LAMP5: variants seen among roughly 807,000 people sequenced by gnomAD.
LAMP5 encodes lysosome associated membrane protein 5.
Under a neutral mutation model 30.2 loss-of-function variants are expected in LAMP5, and 36 were observed. The ratio of observed to expected loss-of-function variants is 1.19; its 90% CI spans 0.91 to 1.57. The LOEUF (loss-of-function observed/expected upper bound fraction) is 1.57. Among genes scored for constraint, LAMP5 ranks in the 40% most tolerant of loss-of-function variants. The probability of loss-of-function intolerance (pLI) is 0.00; values close to 1 mark genes in which losing one functional copy is unlikely to be tolerated. For missense variants in LAMP5, 377 were observed against 354.9 expected, an observed-to-expected ratio of 1.06 and a Z score of -0.50; for synonymous variants, 149 against 134.6, an observed-to-expected ratio of 1.11 and a Z score of -0.74.
intron 5 of LAMP5, among the ~76,000 whole-genome samples, chr20:9,526,860 G>GTGTATATA (rs1426298098): frequency 4.4e-4 from 35 of 80,196 alleles, no homozygotes; most frequent in African/African-American, 7.9e-4. Context: ...GTGTGTGTGT[G>GTGTATATA]TATATATATA....
chr20:9,516,152 C>A, intron 3 of LAMP5, 21 bp downstream of exon 3: 1 of 1,581,162 alleles, frequency 6.3e-7, no homozygotes, highest in Admixed American at 1.8e-5. Flanking sequence ...GCCCAGCGGG[C>A]AGAGGGGCCG....
At chr20:9,519,707 T>C (rs1190498057) in intron 5 of LAMP5, among the ~76,000 whole-genome samples, 1 of 152,262 alleles carries the variant, frequency 6.6e-6, no homozygotes, top group Non-Finnish European at 1.5e-5. Context: ...TTGGACTATG[T>C]AATGTCAGTT....
rs774083836 is a variant in LAMP5, at chr20:9,529,736, C to A, written c.759C>A (p.Leu253=). 3 of 1,614,184 alleles carry A rather than the reference C, an allele frequency of 1.9e-6. No individual in the cohort carries two copies. Among genetic ancestry groups the A allele is most frequent in the Non-Finnish European group, 2.5e-6 (3 of 1,180,028 alleles). Residue 253 remains leucine, a synonymous_variant, in exon 6 of 6, where the codon CTC becomes CTA. Transcript: ENST00000246070. Reference sequence around the variant, plus strand: ...TGGGCCTCGTCATCATGGTAACACTCGCGATTTACCACGTCCACCACAAAA... The same window carrying A: ...TGGGCCTCGTCATCATGGTAACACTAGCGATTTACCACGTCCACCACAAAA... ...LILGLVIMVT[L]AIYHVHHKMT... is the part of the protein sequence containing the mutation.
At chr20:9,517,621 A>ATGTGTG (rs3037127) in intron 4 of LAMP5, among the ~76,000 whole-genome samples, 36,863 of 149,138 alleles carry the variant, frequency 0.25, 5,091 homozygotes, top group African/African-American at 0.37. Context: ...TTGTAAATGT[A>ATGTGTG]TGTGTGTGTG....
chr20:9,526,712 G>A (rs1347997088), intron 5 of LAMP5, among the ~76,000 whole-genome samples: 1 of 151,844 alleles, frequency 6.6e-6, no homozygotes, highest in Non-Finnish European at 1.5e-5. Context: ...GTTGTAATAA[G>A]AAGAAAGGCT....
At chr20:9,521,267 C>T (rs1603171412) in intron 5 of LAMP5, among the ~76,000 whole-genome samples, 1 of 152,108 alleles carries the variant, frequency 6.6e-6, no homozygotes, top group Non-Finnish European at 1.5e-5. Flanking sequence ...GCAAGGAGTC[C>T]ATGGGTCCCA....
chr20:9,516,074 G>A lies in LAMP5; in HGVS notation c.312G>A (p.Ser104=). The A allele has an allele frequency of 6.5e-7, 1 of 1,547,374 alleles. No individual in the cohort carries two copies. Among genetic ancestry groups the A allele is most frequent in the Non-Finnish European group, 8.7e-7 (1 of 1,153,404 alleles). Reference sequence around the variant, plus strand: ...AGGGCCGCTGTGGCCACAGCCAGTCGGAGCTGCAAGTGTTCTGGGTGGATC... The same window carrying A: ...AGGGCCGCTGTGGCCACAGCCAGTCAGAGCTGCAAGTGTTCTGGGTGGATC... ...EVKGRCGHSQ[S]ELQVFWVDRA... Residue 104 remains serine (S), a synonymous_variant, in exon 3 of 6, where the codon TCG becomes TCA. Coordinates refer to ENST00000246070, the MANE Select transcript of LAMP5 (RefSeq NM_012261.4).
At chr20:9,520,427 T>A (rs981764099) in intron 5 of LAMP5, among the ~76,000 whole-genome samples, 47 of 152,204 alleles carry the variant, frequency 3.1e-4, no homozygotes, top group African/African-American at 1.1e-3. Flanking sequence ...TCCTTTTGGG[T>A]GCCTTTTCGG....
At chr20:9,524,267 C>A (rs527633316) in intron 5 of LAMP5, among the ~76,000 whole-genome samples, 1 of 151,858 alleles carries the variant, frequency 6.6e-6, no homozygotes, top group African/African-American at 2.4e-5. Flanking sequence ...AACATTATTC[C>A]GAGAAGGGGT....
In LAMP5 at chr20:9,516,347, A is replaced by G; in HGVS notation, c.461A>G (p.Lys154Arg). Reference sequence around the variant, plus strand: ...GACTCCTCGGAGAAAACCCACTTCAAAGACGCAGTCAGTGGTGAGTGGAGG... The same window carrying G: ...GACTCCTCGGAGAAAACCCACTTCAGAGACGCAGTCAGTGGTGAGTGGAGG... ...VYDSSEKTHF[K>R]DAVSAGKHTA... Residue 154 changes from lysine (K) to arginine (R), a missense_variant, in exon 4 of 6, where the codon AAA becomes AGA. Transcript: ENST00000246070. The G allele has an allele frequency of 6.2e-7, 1 of 1,613,940 alleles. No homozygotes were observed. The highest frequency in any genetic ancestry group is 2.2e-5 in the East Asian group (1 of 44,872).
intron 1 of LAMP5, 199 bp downstream of exon 1, chr20:9,515,115 T>G: frequency 1.6e-6 from 1 of 620,788 alleles, no homozygotes; most frequent in South Asian, 2.0e-5. Flanking sequence ...CATACACCTC[T>G]GTGGCATATT....
chr20:9,528,767 G>A (rs2045131050), intron 5 of LAMP5, among the ~76,000 whole-genome samples: 1 of 152,068 alleles, frequency 6.6e-6, no homozygotes, highest in Non-Finnish European at 1.5e-5. Context: ...CCTTTCCCCA[G>A]ATATAAGCAC....
intron 2 of LAMP5, 74 bp from the exon 3 acceptor site, chr20:9,515,926 G>T: frequency 7.1e-7 from 1 of 1,418,154 alleles, no homozygotes; most frequent in Non-Finnish European, 9.3e-7. Context: ...CCCAGAGTTT[G>T]GACGCGCCGC....
rs578136446 is a variant in LAMP5 at position 9,527,974 on chromosome 20, G to T, written c.665-1668G>T. On this transcript the variant is annotated intron_variant, in intron 5 of 5. Transcript: ENST00000246070. ...GCTCTACACTTACTTAAAAATTATA[G>T]CATAATTTACATATATTACATGCAC... Among the ~76,000 whole-genome samples the T allele has an allele frequency of 2.0e-5, 3 of 152,212 alleles. No homozygotes were observed. In the East Asian group the frequency reaches 5.8e-4, roughly 29 times the overall value.
rs531685123 is a variant in LAMP5, at chr20:9,516,261, C to T, written c.375C>T (p.Ser125=). 1 of 1,614,138 alleles carries T rather than the reference C, an allele frequency of 6.2e-7. No individual in the cohort carries two copies. The highest frequency in any genetic ancestry group is 1.3e-5 in the African/African-American group (1 of 75,052). Residue 125 remains serine, a synonymous_variant, in exon 4 of 6, where the codon AGC becomes AGT. Coordinates refer to ENST00000246070, the MANE Select transcript of LAMP5 (RefSeq NM_012261.4). ...GCACCTCCCCGGCTCAACAGGAAAG[C>T]CACAACATGTCCAAGGGACCTGAGG... The part of the protein sequence containing the change: ...YALKMLFVKE[S]HNMSKGPEAT...
At chr20:9,516,876 T>C (rs980523982) in intron 4 of LAMP5, among the ~76,000 whole-genome samples, 2 of 152,178 alleles carry the variant, frequency 1.3e-5, no homozygotes, top group African/African-American at 2.4e-5. Context: ...CAGTGGATTC[T>C]GCACCATGTA....
rs531180978 is a variant in LAMP5 at position 9,520,535 on chromosome 20, G to A, written c.664+2307G>A. On this transcript the variant is annotated intron_variant, in intron 5 of 5. Transcript: ENST00000246070. The stretch of plus-strand genomic sequence containing the variant: ...TGCTTGCATGGAGAAGGAATATCAC[G>A]TCATATATCTGCACACCTACTGCAG... Among the ~76,000 whole-genome samples, 10 of 152,040 alleles carry A rather than the reference G, an allele frequency of 6.6e-5. No homozygotes were observed. In the South Asian group the frequency reaches 8.3e-4, roughly 13 times the overall value.
chr20:9,515,571 G>C lies in LAMP5; in HGVS notation c.183G>C (p.Glu61Asp). The change falls in exon 2 of 6, where the codon GAG becomes GAC. Residue 61 changes from glutamate to aspartate, a missense_variant. Physicochemically the swap from Glu to Asp is conservative, Grantham distance 45. Transcript: ENST00000246070. ...ATGGGACGACGTGTCTCATGGCAGA[G>C]TTTGCAGCCAAATTTATTGTACCTT... ...RENGTTCLMAEFAAKFIVPYD... is the reference protein window; with the variant it reads ...RENGTTCLMADFAAKFIVPYD... The C allele has an allele frequency of 6.2e-7, 1 of 1,614,164 alleles. No individual in the cohort carries two copies. Among genetic ancestry groups the C allele is most frequent in the African/African-American group, 1.3e-5 (1 of 75,022 alleles).
At chr20:9,519,932 C>T (rs1343279611) in intron 5 of LAMP5, among the ~76,000 whole-genome samples, 1 of 152,124 alleles carries the variant, frequency 6.6e-6, no homozygotes, top group Non-Finnish European at 1.5e-5. Flanking sequence ...AGAAATCAAA[C>T]CTCATAGATT....
Sources: allele counts gnomAD v4.1 joint callset (sites outside exome capture counted in the v4.1 genomes callset), GRCh38; gene constraint gnomAD v4.1.1; transcripts MANE v1.5; gene names NCBI Gene and HGNC (gene_info 2026-07-23, HGNC 2026-07-21).